Variants in SAMD7 observed in about 807,000 individuals in gnomAD.
SAMD7 encodes the protein sterile alpha motif domain containing 7, also known as sterile alpha motif domain-containing protein 7.
Under a neutral mutation model 36.7 loss-of-function variants are expected in SAMD7, and 34 were observed. The observed-to-expected ratio is 0.93, with a 90% CI of 0.71 to 1.23. SAMD7 has a LOEUF of 1.23. Among genes scored for constraint, SAMD7 ranks in the 50% most tolerant of loss-of-function variants. The probability of loss-of-function intolerance (pLI) is 0.00; values close to 1 mark genes in which losing one functional copy is unlikely to be tolerated. For synonymous variants in SAMD7, 188 were observed against 189.7 expected, an observed-to-expected ratio of 0.99 and a Z score of 0.07; for missense variants, 570 against 546.6, an observed-to-expected ratio of 1.04 and a Z score of -0.43.
intron 2 of SAMD7, among the ~76,000 whole-genome samples, chr3:169,918,627 T>A (rs1201480821): frequency 1.3e-5 from 2 of 152,246 alleles, no homozygotes; most frequent in Admixed American, 1.3e-4. Context: ...TTTGTATTTA[T>A]GTAAACTTGG....
intron 2 of SAMD7, among the ~76,000 whole-genome samples, chr3:169,917,309 A>C (rs936391479): frequency 1.8e-4 from 28 of 152,376 alleles, no homozygotes; most frequent in Admixed American, 1.2e-3. Flanking sequence ...TCAAATACAC[A>C]CAAGGAAATA....
At chr3:169,921,376 C>A (rs1713037675) in intron 4 of SAMD7, 38 bp downstream of exon 4, 1 of 1,599,768 alleles carries the variant, frequency 6.3e-7, no homozygotes, top group South Asian at 1.1e-5. Flanking sequence ...TCTGTGGAGT[C>A]ATTTTGAACT....
At chr3:169,935,833 TC>T (rs1474170131) in intron 7 of SAMD7, among the ~76,000 whole-genome samples, 5 of 152,150 alleles carry the variant, frequency 3.3e-5, no homozygotes, top group Admixed American at 2.6e-4. Context: ...GCTGGAAAGG[TC>T]CGGTAGGGAA....
Position 169,926,982 on chromosome 3 carries a change from G to A in SAMD7, c.720G>A (p.Thr240=), listed in dbSNP as rs543334158. The A allele has an allele frequency of 2.4e-5, 39 of 1,613,878 alleles. No individual in the cohort carries two copies. The Admixed American group carries it at 6.0e-4, about 25-fold the overall frequency. The change falls in exon 6 of 9, where the codon ACG becomes ACA. Residue 240 remains threonine, a synonymous_variant. Transcript: ENST00000335556. The part of the protein sequence containing the change: ...EAPSNQKSSE[T]NEKPTTALAN... The stretch of plus-strand genomic sequence containing the variant: ...CCAGCAACCAGAAGTCAAGTGAAAC[G>A]AATGAAAAGCCAACGACAGCTCTTG...
At chr3:169,916,362 T>C (rs1712799141) in intron 2 of SAMD7, among the ~76,000 whole-genome samples, 1 of 152,140 alleles carries the variant, frequency 6.6e-6, no homozygotes, top group Admixed American at 6.6e-5. Flanking sequence ...ATAGAGCCTA[T>C]AGGCCAGGCG....
At chr3:169,913,188 C>T (rs989633144) in intron 1 of SAMD7, among the ~76,000 whole-genome samples, 1 of 152,158 alleles carries the variant, frequency 6.6e-6, no homozygotes, top group Admixed American at 6.6e-5. Context: ...CCAGATACAG[C>T]AGTTACTTAA....
At chr3:169,932,016 G>A in intron 7 of SAMD7, 1 of 728,090 alleles carries the variant, frequency 1.4e-6, no homozygotes, top group Non-Finnish European at 2.0e-6. Flanking sequence ...AAAGCAGCGA[G>A]TCATGCTGTT....
chr3:169,921,753 G>A (rs1713053757), intron 4 of SAMD7, among the ~76,000 whole-genome samples: 1 of 152,096 alleles, frequency 6.6e-6, no homozygotes, highest in Non-Finnish European at 1.5e-5. Flanking sequence ...AGAGCAACAT[G>A]GTCTGACTTA....
chr3:169,919,649 G>A, intron 3 of SAMD7, 65 bp downstream of exon 3: 1 of 1,284,626 alleles, frequency 7.8e-7, no homozygotes, highest in Non-Finnish European at 1.1e-6. Context: ...GTTTTGGAAT[G>A]ATGTTAAGTC....
At chr3:169,938,272 A>T in intron 8 of SAMD7, 46 bp from the exon 9 acceptor site, 1 of 1,363,102 alleles carries the variant, frequency 7.3e-7, no homozygotes, top group Non-Finnish European at 1.0e-6. Context: ...TGAGTTAATG[A>T]AAAAAATTCA....
Position 169,938,538 on chromosome 3 carries a change from A to T in SAMD7, c.*32A>T. On this transcript the variant is annotated 3_prime_UTR_variant, in exon 9 of 9. Transcript: ENST00000335556. ...TCAAGGAGGAAGAATAGTCTTAGCC[A>T]GTTTTCCAAAGAGCCTAGGATATTA... is the stretch of plus-strand genomic sequence containing the variant. 1 of 1,371,992 alleles carries T rather than the reference A, an allele frequency of 7.3e-7. No homozygotes were observed. The highest frequency in any genetic ancestry group is 1.0e-6 in the Non-Finnish European group (1 of 976,240). 85.0% of individuals were successfully genotyped at this position (1,371,992 alleles called of 1,614,324 possible).
At chr3:169,936,539 AC>A in intron 8 of SAMD7, 90 bp downstream of exon 8, 7 of 726,490 alleles carry the variant, frequency 9.6e-6, no homozygotes, top group Non-Finnish European at 1.4e-5. Flanking sequence ...TATAAATAAT[AC>A]TTATTTAACT....
intron 2 of SAMD7, among the ~76,000 whole-genome samples, chr3:169,916,891 C>T (rs1712827587): frequency 6.6e-6 from 1 of 152,162 alleles, no homozygotes; most frequent in South Asian, 2.1e-4. Context: ...AGTTGCGGGG[C>T]AGGGTCCTCG....
chr3:169,928,473 T>A lies in SAMD7; in HGVS notation c.936T>A (p.Val312=). The A allele has an allele frequency of 1.2e-6, 2 of 1,612,718 alleles. No homozygotes were observed. Among genetic ancestry groups the A allele is most frequent in the South Asian group, 2.2e-5 (2 of 91,062 alleles). The change falls in exon 7 of 9, where the codon GTT becomes GTA. Residue 312 remains valine, a synonymous_variant. Transcript: ENST00000335556. The part of the protein sequence containing the change: ...RPSLPGTHAL[V]TIGGNLSLDE... ...ATTTTAAAGGAACACATGCACTGGT[T>A]ACAATTGGGGGGAATCTTTCTTTGG... is the stretch of plus-strand genomic sequence containing the variant.
chr3:169,912,882 A>C (rs1315980332), intron 1 of SAMD7, among the ~76,000 whole-genome samples: 1 of 152,164 alleles, frequency 6.6e-6, no homozygotes, highest in African/African-American at 2.4e-5. Context: ...AGAGATGGGA[A>C]GGGGAGCAAG....
intron 2 of SAMD7, among the ~76,000 whole-genome samples, chr3:169,919,003 G>A (rs541450283): frequency 6.6e-5 from 10 of 152,056 alleles, no homozygotes; most frequent in South Asian, 2.1e-4. Context: ...AAAATTAGCC[G>A]GGCGTGGTGG....
rs752848799 is a variant in SAMD7, at chr3:169,919,613, CA to C, written c.86+32del. The C allele has an allele frequency of 1.2e-5, 17 of 1,453,316 alleles. No individual in the cohort carries two copies. In the East Asian group the frequency reaches 3.8e-4, roughly 33 times the overall value. The allele number at this position is 1,453,316 out of a possible 1,614,324, so 90.0% of individuals were successfully genotyped here. A position where few individuals can be genotyped will look rare whatever the true frequency, so the allele number is the denominator to read the frequency against. ...TTTCTCTTCAATATAATAGTTTGAT[CA>C]AAGAACAACATGGACAATCATTACG... On this transcript the variant is annotated intron_variant, in intron 3 of 8. Coordinates refer to ENST00000335556, the MANE Select transcript of SAMD7 (RefSeq NM_001304366.2).
chr3:169,916,887 G>A (rs1408213634), intron 2 of SAMD7, among the ~76,000 whole-genome samples: 1 of 152,146 alleles, frequency 6.6e-6, no homozygotes, highest in Non-Finnish European at 1.5e-5. Flanking sequence ...TTCAAGTTGC[G>A]GGGCAGGGTC....
Position 169,926,908 on chromosome 3 carries a change from G to A in SAMD7, c.646G>A (p.Val216Ile). 6.2e-7 allele frequency: 1 copy of A among 1,613,946 alleles called. No individual in the cohort carries two copies. The highest frequency in any genetic ancestry group is 8.5e-7 in the Non-Finnish European group (1 of 1,179,968). ...EEKILGQTHA[V>I]PYEEDHYAKD... is the part of the protein sequence containing the mutation. ...AAAAATCCTAGGTCAGACTCATGCA[G>A]TTCCCTATGAAGAGGATCATTATGC... The change falls in exon 6 of 9, where the codon GTT becomes ATT. Residue 216 changes from valine to isoleucine, a missense_variant. Coordinates refer to ENST00000335556, the MANE Select transcript of SAMD7 (RefSeq NM_001304366.2).
Sources: allele counts gnomAD v4.1 joint callset (sites outside exome capture counted in the v4.1 genomes callset), GRCh38; gene constraint gnomAD v4.1.1; transcripts MANE v1.5; gene names NCBI Gene and HGNC (gene_info 2026-07-23, HGNC 2026-07-21).